CREB1: variants seen among roughly 807,000 people sequenced by gnomAD.
The protein encoded by CREB1 is cyclic AMP-responsive element-binding protein 1.
CREB1 carries 2 observed loss-of-function variants against 42.0 expected under a neutral mutation model. The ratio of observed to expected loss-of-function variants is 0.05; its 90% CI spans 0.02 to 0.15. CREB1 has a LOEUF of 0.15. Among genes scored for constraint, CREB1 ranks in the 10% least tolerant of loss-of-function variants. CREB1 has a pLI of 1.00. For synonymous variants in CREB1, 123 were observed against 139.9 expected (o/e 0.88, Z 0.85); for missense variants, 199 against 388.9 (o/e 0.51, Z 4.11).
At chr2:207,537,795 T>TCC (rs1182591614) in intron 1 of CREB1, among the ~76,000 whole-genome samples, 1 of 152,204 alleles carries the variant, frequency 6.6e-6, no homozygotes, top group Non-Finnish European at 1.5e-5. Flanking sequence ...GTTTTGCCTT[T>TCC]TCTCTCTCTC....
At chr2:207,539,962 T>A (rs1401964652) in intron 1 of CREB1, among the ~76,000 whole-genome samples, 1 of 152,174 alleles carries the variant, frequency 6.6e-6, no homozygotes, top group Non-Finnish European at 1.5e-5. Context: ...GCTTTGAGTT[T>A]CATGTAAGAG....
At chr2:207,592,410 A>T (rs2085220673) in intron 7 of CREB1, among the ~76,000 whole-genome samples, 1 of 152,086 alleles carries the variant, frequency 6.6e-6, no homozygotes. Context: ...ATCTCAAAAA[A>T]TAAAAAAAGA....
chr2:207,530,257 G>A (rs2080535405), intron 1 of CREB1, 123 bp downstream of exon 1: 1 of 152,066 alleles, frequency 6.6e-6, no homozygotes, highest in Admixed American at 6.5e-5. Context: ...CGGTAAAGAT[G>A]GAGCCTCCGC....
chr2:207,571,022 C>CTTTTTTTT lies in CREB1; in HGVS notation c.505+706_505+713dup, dbSNP rs71036933. Among the ~76,000 whole-genome samples the CTTTTTTTT allele has an allele frequency of 4.8e-4, 33 of 68,444 alleles. 4 individuals carry two copies. The highest frequency in any genetic ancestry group is 0.024 in the Middle Eastern group (2 of 84). The allele number at this position is 68,444 out of a possible 152,430, so 44.9% of individuals were successfully genotyped here. A position where few individuals can be genotyped will look rare whatever the true frequency, so the allele number is the denominator to read the frequency against. ...GAATGGTACTTTTTTCTCTTTTTCCCTTTTTTTTTTTTGCCTCTCAAAGTG... is the reference window on the plus strand; with the variant it reads ...GAATGGTACTTTTTTCTCTTTTTCCCTTTTTTTTTTTTTTTTTTTTGCCTCTCAAAGTG... On this transcript the variant is annotated intron_variant, in intron 5 of 7. Coordinates refer to ENST00000353267, the MANE Select transcript of CREB1 (RefSeq NM_004379.5).
At chr2:207,567,640 C>G (rs1265091273) in intron 4 of CREB1, 77 bp downstream of exon 4, 2 of 966,372 alleles carry the variant, frequency 2.1e-6, no homozygotes, top group Non-Finnish European at 3.3e-6. Flanking sequence ...GTCAGAAGAC[C>G]AGTTAGTTGT....
chr2:207,582,888 C>A, intron 7 of CREB1: 1 of 299,606 alleles, frequency 3.3e-6, no homozygotes, highest in African/African-American at 2.4e-5. Context: ...GAGACTCTGT[C>A]TCAAAAAAAC....
intron 6 of CREB1, among the ~76,000 whole-genome samples, chr2:207,576,426 T>C (rs1189034750): frequency 6.6e-6 from 1 of 152,084 alleles, no homozygotes; most frequent in Non-Finnish European, 1.5e-5. Flanking sequence ...TAAATAATAA[T>C]GCATTTTGCC....
intron 1 of CREB1, among the ~76,000 whole-genome samples, chr2:207,541,808 C>A (rs950697026): frequency 1.3e-5 from 2 of 152,082 alleles, no homozygotes; most frequent in Non-Finnish European, 2.9e-5. Context: ...TTTTCATTAT[C>A]CCTAAAAGAA....
In CREB1 at chr2:207,548,772, C is replaced by G. The variant is rs189453540; in HGVS notation, c.-8-6856C>G. ...CCCCGCCTGCCTCCCCCGCTCCCCCCCAAAAAGATTCCTTTTTGCTATTTA... is the reference window on the plus strand; with the variant it reads ...CCCCGCCTGCCTCCCCCGCTCCCCCGCAAAAAGATTCCTTTTTGCTATTTA... On this transcript the variant is annotated intron_variant, in intron 1 of 7. Transcript: ENST00000353267. Among the ~76,000 whole-genome samples the G allele has an allele frequency of 1.9e-4, 29 of 152,050 alleles. No individual in the cohort carries two copies. In the East Asian group the frequency reaches 5.6e-3, roughly 29 times the overall value.
At chr2:207,563,033 G>A (rs191508187) in intron 3 of CREB1, among the ~76,000 whole-genome samples, 167 of 152,260 alleles carry the variant, frequency 1.1e-3, no homozygotes, top group Non-Finnish European at 2.0e-3. Context: ...GAGAATTAAC[G>A]AGAGAGATGA....
intron 5 of CREB1, 89 bp downstream of exon 5, chr2:207,570,410 T>A: frequency 7.8e-7 from 1 of 1,274,874 alleles, no homozygotes; most frequent in Non-Finnish European, 1.1e-6. Flanking sequence ...GAGAAACCAA[T>A]ACAAGTGCCA....
chr2:207,586,410 C>T (rs899730721), intron 7 of CREB1, among the ~76,000 whole-genome samples: 1 of 152,136 alleles, frequency 6.6e-6, no homozygotes, highest in East Asian at 1.9e-4. Flanking sequence ...ACCCAAAAAT[C>T]CACTCCAAGT....
Position 207,605,863 on chromosome 2 carries a change from T to A in CREB1, c.*8805T>A, listed in dbSNP as rs946083664. ...TTATGGTTTTCTTCATATTTGGATA[T>A]TGTTTCCTAATGATTATTAGGTATC... is the stretch of plus-strand genomic sequence containing the variant. On this transcript the variant is annotated 3_prime_UTR_variant, in exon 8 of 8. Coordinates refer to ENST00000353267, the MANE Select transcript of CREB1 (RefSeq NM_004379.5). Among the ~76,000 whole-genome samples the A allele has an allele frequency of 1.3e-5, 2 of 152,254 alleles. No homozygotes were observed. Among genetic ancestry groups the A allele is most frequent in the African/African-American group, 4.8e-5 (2 of 41,480 alleles).
intron 1 of CREB1, among the ~76,000 whole-genome samples, chr2:207,539,703 T>C (rs766347534): frequency 1.4e-4 from 22 of 152,246 alleles, no homozygotes; most frequent in Non-Finnish European, 2.9e-4. Context: ...GTTTTTACTG[T>C]CTTGAAGAGC....
chr2:207,602,567 T>C lies in CREB1; in HGVS notation c.*5509T>C, dbSNP rs902169497. ...GAAGTGAGAGTAAATCTGAGTTAGC[T>C]TAAAAATTGGTAGGGAGGAAGAAAA... is the stretch of plus-strand genomic sequence containing the variant. On this transcript the variant is annotated 3_prime_UTR_variant, in exon 8 of 8. Coordinates refer to ENST00000353267, the MANE Select transcript of CREB1 (RefSeq NM_004379.5). 2.4e-5 allele frequency: 5 copies of C among 211,672 alleles called. No homozygotes were observed. The highest frequency in any genetic ancestry group is 1.1e-4 in the African/African-American group (5 of 44,126). 13.1% of individuals were successfully genotyped at this position (211,672 alleles called of 1,614,324 possible).
chr2:207,595,300 G>A (rs1257044019), intron 7 of CREB1, among the ~76,000 whole-genome samples: 2 of 151,680 alleles, frequency 1.3e-5, no homozygotes, highest in Admixed American at 1.3e-4. Flanking sequence ...AGCCTATATT[G>A]AGCATCTTTT....
intron 7 of CREB1, among the ~76,000 whole-genome samples, chr2:207,586,721 CCT>C (rs1330474058): frequency 3.3e-5 from 5 of 152,086 alleles, no homozygotes; most frequent in Admixed American, 6.5e-5. Flanking sequence ...AAACAAAAAT[CCT>C]ATTAAAAAGT....
At chr2:207,588,170 T>TA (rs1475418197) in intron 7 of CREB1, among the ~76,000 whole-genome samples, 2 of 152,232 alleles carry the variant, frequency 1.3e-5, no homozygotes, top group African/African-American at 4.8e-5. Context: ...TGTTTTATGT[T>TA]AGAGTTTTAT....
intron 7 of CREB1, chr2:207,580,688 AAAAG>A: frequency 4.5e-6 from 1 of 221,710 alleles, no homozygotes. Flanking sequence ...TAAACATTCT[AAAAG>A]AAAGTGTAGA....
Sources: gnomAD v4.1 joint callset for allele counts (sites outside exome capture counted in the v4.1 genomes callset) on GRCh38, gnomAD v4.1.1 for gene constraint, MANE v1.5 for transcripts, NCBI Gene and HGNC (gene_info 2026-07-23, HGNC 2026-07-21) for gene names.